ENDOU: variants seen among roughly 807,000 people sequenced by gnomAD.
ENDOU encodes the protein uridylate-specific endoribonuclease.
In ENDOU, 49 loss-of-function variants were observed where a neutral mutation model predicts 54.2. The observed-to-expected ratio is 0.90, with a 90% confidence interval of 0.72 to 1.15. ENDOU has a LOEUF of 1.15. Among genes scored for constraint, ENDOU ranks in the 50% most tolerant of loss-of-function variants. ENDOU has a pLI of 0.00. For missense variants in ENDOU, 458 were observed against 511.4 expected, an observed-to-expected ratio of 0.90 and a Z score of 1.01; for synonymous variants, 172 against 190.5, an observed-to-expected ratio of 0.90 and a Z score of 0.80.
chr12:47,718,812 G>C (rs74852746), intron 2 of ENDOU, among the ~76,000 whole-genome samples: 6,064 of 152,080 alleles, frequency 0.04, 371 homozygotes, highest in African/African-American at 0.13. Context: ...GGTGATGCAG[G>C]GGGGAGAAAT....
intron 3 of ENDOU, 72 bp from the exon 4 acceptor site, chr12:47,717,727 T>A: frequency 1.3e-6 from 2 of 1,512,070 alleles, no homozygotes; most frequent in South Asian, 2.4e-5. Flanking sequence ...AGGCTGTCGC[T>A]CCCTAGCCTG....
At chr12:47,724,029 G>A (rs1032722264) in intron 1 of ENDOU, among the ~76,000 whole-genome samples, 2 of 152,088 alleles carry the variant, frequency 1.3e-5, no homozygotes, top group African/African-American at 4.8e-5. Flanking sequence ...CTTCCCCATC[G>A]ATCCCACAGC....
intron 1 of ENDOU, 129 bp downstream of exon 1, chr12:47,725,230 C>T (rs976042139): frequency 2.6e-5 from 26 of 999,638 alleles, no homozygotes; most frequent in East Asian, 2.2e-4. Context: ...AAGTGCTCTG[C>T]GGCTTTAGGA....
At position 47,716,387 on chromosome 12, in the gene ENDOU, G is replaced by T. The variant is rs200174792; in HGVS notation, c.664C>A (p.Gln222Lys). The change falls in exon 6 of 10, where the codon CAG becomes AAG. Residue 222 changes from glutamine to lysine, a missense_variant. Gln to Lys is a moderately conservative substitution (Grantham distance 53, BLOSUM62 1). Coordinates refer to ENST00000422538, the MANE Select transcript of ENDOU (RefSeq NM_001172439.2). Reference protein sequence around the residue: ...ATGHGEHFSAQELAEQDAFLR... With the variant: ...ATGHGEHFSAKELAEQDAFLR... ...AAGGCGTCCTGCTCGGCCAGCTCCTGGGCACTGAAGTGCTCCCCATGGCCT... is the reference window on the plus strand; with the variant it reads ...AAGGCGTCCTGCTCGGCCAGCTCCTTGGCACTGAAGTGCTCCCCATGGCCT... 5.0e-6 allele frequency: 8 copies of T among 1,614,152 alleles called. No individual in the cohort carries two copies. The highest frequency in any genetic ancestry group is 6.8e-6 in the Non-Finnish European group (8 of 1,180,032).
At chr12:47,720,610 G>T in intron 2 of ENDOU, 143 bp downstream of exon 2, 1 of 811,186 alleles carries the variant, frequency 1.2e-6, no homozygotes, top group Non-Finnish European at 1.7e-6. Flanking sequence ...CCAAATTCCT[G>T]ACCCTGCCTC....
chr12:47,711,387 G>T (rs1230058541), intron 9 of ENDOU, among the ~76,000 whole-genome samples: 1 of 152,134 alleles, frequency 6.6e-6, no homozygotes, highest in East Asian at 1.9e-4. Context: ...ATATATTAAG[G>T]TCCTGCGTAA....
chr12:47,717,577 G>A lies in ENDOU; in HGVS notation c.323C>T (p.Ala108Val), dbSNP rs776733555. The change falls in exon 4 of 10, where the codon GCC becomes GTC. Residue 108 changes from alanine to valine, a missense_variant. Coordinates refer to ENST00000422538, the MANE Select transcript of ENDOU (RefSeq NM_001172439.2). The stretch of plus-strand genomic sequence containing the variant: ...GCAGTTCCCAAACTCTTGGCAGCGG[G>A]CATTGCAGTGACATTGGTGGTGCTT... ...FDKHHQCHCN[A>V]RCQEFGNCCK... 1 of 1,614,180 alleles carries A rather than the reference G, an allele frequency of 6.2e-7. No homozygotes were observed. The highest frequency in any genetic ancestry group is 8.5e-7 in the Non-Finnish European group (1 of 1,180,032).
intron 6 of ENDOU, among the ~76,000 whole-genome samples, chr12:47,715,560 C>G (rs1003030448): frequency 7.2e-5 from 11 of 152,190 alleles, no homozygotes; most frequent in African/African-American, 2.4e-4. Context: ...ACAGTGTCAC[C>G]AACTCTTAAG....
chr12:47,717,974 C>G (rs1472821459), intron 3 of ENDOU, 155 bp downstream of exon 3: 3 of 716,956 alleles, frequency 4.2e-6, no homozygotes, highest in South Asian at 1.9e-5. Flanking sequence ...TGAGCCCCCC[C>G]AGGCTTCTTC....
intron 9 of ENDOU, among the ~76,000 whole-genome samples, chr12:47,711,320 A>G (rs1939991363): frequency 6.6e-6 from 1 of 152,190 alleles, no homozygotes; most frequent in Non-Finnish European, 1.5e-5. Flanking sequence ...TCCCCTAAGT[A>G]GCCTCAGGGG....
intron 6 of ENDOU, among the ~76,000 whole-genome samples, chr12:47,713,841 C>A (rs922272405): frequency 4.0e-5 from 6 of 151,456 alleles, no homozygotes; most frequent in African/African-American, 1.2e-4. Flanking sequence ...ACACAAAGAT[C>A]TGTGGGGAAG....
intron 6 of ENDOU, among the ~76,000 whole-genome samples, chr12:47,713,740 C>CG (rs58687571): frequency 0.14 from 14,243 of 105,404 alleles, 1,487 homozygotes; most frequent in East Asian, 0.22. Context: ...CATAAGTTGG[C>CG]GGGGGGGGGG....
chr12:47,725,157 C>T (rs1166122727), intron 1 of ENDOU, among the ~76,000 whole-genome samples: 1 of 152,222 alleles, frequency 6.6e-6, no homozygotes, highest in Non-Finnish European at 1.5e-5. Context: ...CCCTGCAACT[C>T]TCTCCACATA....
chr12:47,711,760 CG>C lies in ENDOU; in HGVS notation c.987del (p.Asp330MetfsTer46), dbSNP rs1940019839. 4 of 1,614,134 alleles carry C rather than the reference CG, an allele frequency of 2.5e-6. No homozygotes were observed. Among genetic ancestry groups the C allele is most frequent in the Non-Finnish European group, 1.7e-6 (2 of 1,180,038 alleles). On this transcript the variant is annotated frameshift_variant, in exon 9 of 10. Coordinates refer to ENST00000422538, the MANE Select transcript of ENDOU (RefSeq NM_001172439.2). LOFTEE classifies it high-confidence loss of function. ...HIYDGPWDSY[P>X]DVLAMQFNWD... ...CAGTTGAACTGCATTGCCAGCACAT[CG>C]GGGTAAGAATCCCACTGTGGAGGGA...
chr12:47,716,487 A>T lies in ENDOU; in HGVS notation c.564T>A (p.Tyr188Ter), dbSNP rs201722368. The change falls in exon 6 of 10, where the codon TAT (tyrosine) becomes TAA (stop). Residue 188 changes from tyrosine to a stop codon, truncating the protein, a stop_gained. Coordinates refer to ENST00000422538, the MANE Select transcript of ENDOU (RefSeq NM_001172439.2). LOFTEE classifies it high-confidence loss of function. ...GCTTGGAGAACAGCTTCTCATTGACATAAGTGAAGAGTCTGGGGGAGGCAG... is the reference window on the plus strand; with the variant it reads ...GCTTGGAGAACAGCTTCTCATTGACTTAAGTGAAGAGTCTGGGGGAGGCAG... ...VDRCPKPLFT[Y>*]VNEKLFSKPT... The T allele has an allele frequency of 6.2e-7, 1 of 1,613,478 alleles. No homozygotes were observed. Among genetic ancestry groups the T allele is most frequent in the Non-Finnish European group, 8.5e-7 (1 of 1,180,034 alleles).
Position 47,716,360 on chromosome 12 carries a change from G to A in ENDOU, c.691C>T (p.Leu231Phe), listed in dbSNP as rs1464856568. The part of the protein sequence containing the change: ...AQELAEQDAF[L>F]REIMKTAVMK... ...ACTGCTGTCTTCATGATCTCTCTGAGGAAGGCGTCCTGCTCGGCCAGCTCC... is the reference window on the plus strand; with the variant it reads ...ACTGCTGTCTTCATGATCTCTCTGAAGAAGGCGTCCTGCTCGGCCAGCTCC... Residue 231 changes from leucine to phenylalanine, a missense_variant, in exon 6 of 10, where the codon CTC becomes TTC. Physicochemically the swap from Leu to Phe is conservative, Grantham distance 22. Coordinates refer to ENST00000422538, the MANE Select transcript of ENDOU (RefSeq NM_001172439.2). 1.9e-6 allele frequency: 3 copies of A among 1,613,970 alleles called. No homozygotes were observed. Among genetic ancestry groups the A allele is most frequent in the South Asian group, 1.1e-5 (1 of 91,078 alleles).
In ENDOU at chr12:47,716,928, C is replaced by T. The variant is rs756003887; in HGVS notation, c.513G>A (p.Pro171=). The T allele has an allele frequency of 2.1e-5, 34 of 1,614,024 alleles. No individual in the cohort carries two copies. Among genetic ancestry groups the T allele is most frequent in the African/African-American group, 5.3e-5 (4 of 74,914 alleles). Residue 171 remains proline, a synonymous_variant, in exon 5 of 10, where the codon CCG becomes CCA. Transcript: ENST00000422538. The part of the protein sequence containing the change: ...IVLNSQNCIS[P]SETRNQVDRC... ...GATCCACTTGGTTTCTGGTCTCTGA[C>T]GGGGAGATGCAGTTTTGGCTATTGA...
At chr12:47,716,253 C>A in intron 6 of ENDOU, 47 bp downstream of exon 6, 1 of 1,597,198 alleles carries the variant, frequency 6.3e-7, no homozygotes, top group South Asian at 1.1e-5. Context: ...CACCTGGCTT[C>A]GCTCAGACAG....
In ENDOU at chr12:47,711,669, A is replaced by T; in HGVS notation, c.1079T>A (p.Leu360His). 2 of 1,614,050 alleles carry T rather than the reference A, an allele frequency of 1.2e-6. No homozygotes were observed. Among genetic ancestry groups the T allele is most frequent in the Non-Finnish European group, 1.7e-6 (2 of 1,179,986 alleles). The change falls in exon 9 of 10, where the codon CTC (leucine) becomes CAC (histidine). Residue 360 changes from leucine (L) to histidine (H), a missense_variant. Physicochemically the swap from Leu to His is moderately conservative, Grantham distance 99. Transcript: ENST00000422538. ...IGSSPEFEFA[L>H]YSLCFIARPG... is the part of the protein sequence containing the mutation. Reference sequence around the variant, plus strand: ...CCTGGCGATGAAGCACAGGGAGTAGAGTGCAAACTCAAACTCAGGGCTGCT... The same window carrying T: ...CCTGGCGATGAAGCACAGGGAGTAGTGTGCAAACTCAAACTCAGGGCTGCT...
Sources: gnomAD v4.1 joint callset for allele counts (sites outside exome capture counted in the v4.1 genomes callset) on GRCh38, gnomAD v4.1.1 for gene constraint, MANE v1.5 for transcripts, NCBI Gene and HGNC (gene_info 2026-07-23, HGNC 2026-07-21) for gene names.